Variants in RNPS1 observed in about 807,000 individuals in gnomAD.
RNPS1 encodes the protein RNA binding protein with serine rich domain 1.
For synonymous variants in RNPS1, 147 were observed against 150.0 expected (o/e 0.98, Z 0.15); for missense variants, 300 against 427.6 (o/e 0.70, Z 2.63).
chr16:2,262,061 C>G, intron 6 of RNPS1: 1 of 476,276 alleles, frequency 2.1e-6, no homozygotes. Context: ...AATAAAAACT[C>G]CACCTACTCA....
intron 2 of RNPS1, 104 bp from the exon 3 acceptor site, chr16:2,264,435 G>A (rs2093616708): frequency 1.9e-6 from 3 of 1,562,830 alleles, no homozygotes; most frequent in African/African-American, 2.7e-5. Flanking sequence ...AGAGACCCGA[G>A]GTGACCACAG....
At chr16:2,267,992 T>TCCTGCCGGG (rs1023618321) in intron 1 of RNPS1, 63 bp downstream of exon 1, 3 of 1,533,290 alleles carry the variant, frequency 2.0e-6, no homozygotes, top group Admixed American at 2.0e-5. Context: ...TCACGAGGCG[T>TCCTGCCGGG]CCTGCCGGGC....
chr16:2,263,990 A>G, intron 3 of RNPS1, 186 bp downstream of exon 3: 1 of 644,430 alleles, frequency 1.6e-6, no homozygotes, highest in Non-Finnish European at 2.5e-6. Context: ...TCGGCCTCCC[A>G]AAGTGCTGGG....
chr16:2,266,266 A>C (rs1309825290), intron 1 of RNPS1: 2 of 985,362 alleles, frequency 2.0e-6, no homozygotes, highest in Non-Finnish European at 2.4e-6. Context: ...AATGAGAGCC[A>C]AGGAGGGCCG....
chr16:2,262,681 C>T (rs2093607915), intron 5 of RNPS1, 59 bp downstream of exon 5: 1 of 1,439,188 alleles, frequency 6.9e-7, no homozygotes, highest in Non-Finnish European at 9.7e-7. Flanking sequence ...AGTTCATCTG[C>T]AGGCACAGGC....
At chr16:2,266,509 A>G (rs2093625797) in intron 1 of RNPS1, 1 of 944,032 alleles carries the variant, frequency 1.1e-6, no homozygotes, top group African/African-American at 1.8e-5. Flanking sequence ...CTCATCATCA[A>G]TATGGTGACA....
At chr16:2,263,371 C>G (rs186658563) in intron 3 of RNPS1, 84 bp from the exon 4 acceptor site, 29 of 1,378,174 alleles carry the variant, frequency 2.1e-5, no homozygotes, top group South Asian at 1.3e-5. Flanking sequence ...GTGCTCCCCC[C>G]AGGAGAAACC....
chr16:2,263,384 C>A lies in RNPS1; in HGVS notation c.228-97G>T, dbSNP rs544950514. On this transcript the variant is annotated intron_variant, in intron 3 of 7. Coordinates refer to ENST00000320225, the MANE Select transcript of RNPS1 (RefSeq NM_080594.4). ...TTGTGCTCCCCCCAGGAGAAACCTGCTGTTCGGGTGCCTCCAGGCCTCACT... is the reference window on the plus strand; with the variant it reads ...TTGTGCTCCCCCCAGGAGAAACCTGATGTTCGGGTGCCTCCAGGCCTCACT... The A allele has an allele frequency of 5.2e-5, 65 of 1,259,758 alleles. 1 individual carries two copies. In the African/African-American group the frequency reaches 7.7e-4, roughly 15 times the overall value. 78.0% of individuals were successfully genotyped at this position (1,259,758 alleles called of 1,614,324 possible).
intron 1 of RNPS1, chr16:2,266,453 T>A (rs927101511): frequency 4.3e-5 from 41 of 961,728 alleles, no homozygotes; most frequent in Admixed American, 3.1e-4. Flanking sequence ...TGATTTGAGG[T>A]TTTACTGTGT....
rs778479326 is a variant in RNPS1 at position 2,253,542 on chromosome 16, A to G, written c.*422T>C. On this transcript the variant is annotated 3_prime_UTR_variant, in exon 8 of 8. Coordinates refer to ENST00000320225, the MANE Select transcript of RNPS1 (RefSeq NM_080594.4). ...CAGGCCTAACAGGGTTGGCAGCTGC[A>G]CTAAAGCCTGGGGCAGCTCCCTTTC... is the stretch of plus-strand genomic sequence containing the variant. The G allele has an allele frequency of 9.5e-6, 3 of 316,904 alleles. No homozygotes were observed. Among genetic ancestry groups the G allele is most frequent in the African/African-American group, 2.2e-5 (1 of 44,722 alleles). 19.6% of individuals were successfully genotyped at this position (316,904 alleles called of 1,614,324 possible).
intron 6 of RNPS1, 142 bp from the exon 7 acceptor site, chr16:2,255,868 CTGTAA>C: frequency 1.1e-6 from 1 of 890,788 alleles, no homozygotes; most frequent in Admixed American, 2.2e-5. Flanking sequence ...TGGCTCACTC[CTGTAA>C]TCCCAGCACT....
At chr16:2,267,874 C>T in intron 1 of RNPS1, 181 bp downstream of exon 1, 1 of 1,517,232 alleles carries the variant, frequency 6.6e-7, no homozygotes, top group Non-Finnish European at 8.8e-7. Context: ...CGGGCCACGG[C>T]CTCGACACCT....
chr16:2,267,623 G>A (rs1196570155), intron 1 of RNPS1: 2 of 1,073,646 alleles, frequency 1.9e-6, no homozygotes, highest in Admixed American at 5.7e-5. Context: ...ACACCGGCCC[G>A]ACACGCCGAC....
intron 6 of RNPS1, among the ~76,000 whole-genome samples, chr16:2,259,344 T>C (rs1253222118): frequency 6.6e-6 from 1 of 152,232 alleles, no homozygotes; most frequent in African/African-American, 2.4e-5. Flanking sequence ...ACATGATCAG[T>C]AATAATTATA....
rs1273074884 is a variant in RNPS1, at chr16:2,264,735, G to C, written c.-92C>G. 1 of 1,576,586 alleles carries C rather than the reference G, an allele frequency of 6.3e-7. No homozygotes were observed. The highest frequency in any genetic ancestry group is 8.6e-7 in the Non-Finnish European group (1 of 1,168,828). The stretch of plus-strand genomic sequence containing the variant: ...TGATTCTGAGAAACGATCCCTAATC[G>C]ATTGCAATTTACGCCAAAGAGCAGC... On this transcript the variant is annotated 5_prime_UTR_variant, in exon 2 of 8. In the 5' UTR this introduces an upstream ATG that the reference lacks. Transcript: ENST00000320225.
intron 1 of RNPS1, chr16:2,265,972 A>G (rs1457983070): frequency 5.6e-6 from 2 of 355,328 alleles, no homozygotes; most frequent in Non-Finnish European, 3.9e-6. Context: ...AAATTACTCA[A>G]AAACAAATTA....
chr16:2,254,753 T>G (rs2085031289), intron 7 of RNPS1, among the ~76,000 whole-genome samples: 1 of 148,784 alleles, frequency 6.7e-6, no homozygotes, highest in South Asian at 2.2e-4. Flanking sequence ...TTTTTTTTTT[T>G]TTTTTTGAGA....
chr16:2,259,123 C>CA (rs34193204), intron 6 of RNPS1, among the ~76,000 whole-genome samples: 65,171 of 113,570 alleles, frequency 0.57, 16,339 homozygotes, highest in Non-Finnish European at 0.63. Flanking sequence ...AAAAAAGTCT[C>CA]AAAAAAAAAA....
chr16:2,264,516 G>T, intron 2 of RNPS1, 57 bp downstream of exon 2: 1 of 1,569,152 alleles, frequency 6.4e-7, no homozygotes, highest in Non-Finnish European at 8.8e-7. Context: ...CCTTTCTGCG[G>T]GTCCCTAGCA....
Sources: gnomAD v4.1 joint callset for allele counts (sites outside exome capture counted in the v4.1 genomes callset) on GRCh38, gnomAD v4.1.1 for gene constraint, MANE v1.5 for transcripts, NCBI Gene and HGNC (gene_info 2026-07-23, HGNC 2026-07-21) for gene names.